GLIS3: variants seen among roughly 807,000 people sequenced by gnomAD.
GLIS3 encodes the protein zinc finger protein GLIS3.
A neutral mutation model predicts 78.6 loss-of-function variants in GLIS3; 53 were observed. The observed-to-expected ratio is 0.67, with a 90% CI of 0.54 to 0.85. GLIS3 has a LOEUF of 0.85. GLIS3 is among the 40% of genes least tolerant of loss of function. The pLI is 0.00. For missense variants in GLIS3, 1,703 were observed against 1,231.1 expected, an observed-to-expected ratio of 1.38 and a Z score of -5.74; for synonymous variants, 684 against 509.9, an observed-to-expected ratio of 1.34 and a Z score of -4.60.
At chr9:3,883,467 C>T (rs905422673) in intron 7 of GLIS3, among the ~76,000 whole-genome samples, 3 of 152,190 alleles carry the variant, frequency 2.0e-5, no homozygotes, top group African/African-American at 7.2e-5. Context: ...GGAAGAAAAT[C>T]TCCACCTTAG....
chr9:4,046,359 G>A (rs534817945), intron 4 of GLIS3, among the ~76,000 whole-genome samples: 2 of 152,242 alleles, frequency 1.3e-5, no homozygotes, highest in Admixed American at 1.3e-4. Context: ...ACCCTGAATG[G>A]TACAGTATGG....
intron 2 of GLIS3, among the ~76,000 whole-genome samples, chr9:4,166,787 C>A (rs988365700): frequency 6.6e-6 from 1 of 152,228 alleles, no homozygotes; most frequent in African/African-American, 2.4e-5. Context: ...CAGCATGAAA[C>A]AGAGGACTCA....
At chr9:4,041,270 C>T (rs534140784) in intron 4 of GLIS3, among the ~76,000 whole-genome samples, 41 of 152,284 alleles carry the variant, frequency 2.7e-4, no homozygotes, top group African/African-American at 9.4e-4. Flanking sequence ...AGTTTGCTAC[C>T]GGCCTCTATT....
At chr9:3,846,419 C>T (rs762063669) in intron 9 of GLIS3, among the ~76,000 whole-genome samples, 14 of 152,108 alleles carry the variant, frequency 9.2e-5, no homozygotes, top group Non-Finnish European at 2.1e-4. Flanking sequence ...CTCAGAGCAC[C>T]AGGTATCTGA....
At chr9:4,283,699 T>C (rs572686165) in intron 2 of GLIS3, among the ~76,000 whole-genome samples, 121 of 152,240 alleles carry the variant, frequency 7.9e-4, no homozygotes, top group Non-Finnish European at 1.6e-3. Flanking sequence ...TAATTATTTG[T>C]AGAGTAAATG....
chr9:4,024,927 T>C (rs1823199667), intron 4 of GLIS3, among the ~76,000 whole-genome samples: 1 of 152,172 alleles, frequency 6.6e-6, no homozygotes, highest in South Asian at 2.1e-4. Context: ...ACTCGATCCC[T>C]AGCACTTAAG....
At chr9:4,245,483 G>T (rs770038388) in intron 2 of GLIS3, among the ~76,000 whole-genome samples, 1 of 152,154 alleles carries the variant, frequency 6.6e-6, no homozygotes, top group Non-Finnish European at 1.5e-5. Flanking sequence ...TGTATGTACA[G>T]GAAACAACGT....
chr9:3,935,477 T>A (rs533543475), intron 5 of GLIS3, among the ~76,000 whole-genome samples: 2 of 152,332 alleles, frequency 1.3e-5, no homozygotes, highest in African/African-American at 4.8e-5. Flanking sequence ...GAAAATGCTC[T>A]TAGCTTGATT....
chr9:4,397,599 C>G, the GLIS3 span, among the ~76,000 whole-genome samples: 3 of 149,868 alleles, frequency 2.0e-5, no homozygotes, highest in Non-Finnish European at 4.4e-5. Flanking sequence ...TCTTCAAGCC[C>G]ATTCCCCCTG....
At chr9:4,116,458 T>C (rs1423170377) in intron 4 of GLIS3, among the ~76,000 whole-genome samples, 1 of 152,188 alleles carries the variant, frequency 6.6e-6, no homozygotes, top group African/African-American at 2.4e-5. Flanking sequence ...TTGAGAAAAA[T>C]CACAATGTGG....
At chr9:3,849,375 T>C (rs1261428822) in intron 9 of GLIS3, among the ~76,000 whole-genome samples, 1 of 152,222 alleles carries the variant, frequency 6.6e-6, no homozygotes, top group Non-Finnish European at 1.5e-5. Flanking sequence ...TGCGCTAAAA[T>C]ATCCATCTTC....
chr9:4,484,911 C>G, the GLIS3 span, among the ~76,000 whole-genome samples: 4 of 151,234 alleles, frequency 2.6e-5, no homozygotes, highest in African/African-American at 9.7e-5. Context: ...AACCAACCAT[C>G]GGTCCAGAGG....
chr9:4,489,789 GAAGTA>G, the GLIS3 span, among the ~76,000 whole-genome samples: 1 of 152,204 alleles, frequency 6.6e-6, no homozygotes, highest in South Asian at 2.1e-4. Flanking sequence ...CCAAGGAGCA[GAAGTA>G]AAGTTCTAAG....
intron 4 of GLIS3, among the ~76,000 whole-genome samples, chr9:3,967,517 G>T (rs1413278810): frequency 6.6e-6 from 1 of 152,016 alleles, no homozygotes; most frequent in Non-Finnish European, 1.5e-5. Context: ...AAAAGAAAAA[G>T]AAAGAAAAGA....
chr9:4,338,383 C>T (rs899410137), intron 2 of GLIS3, among the ~76,000 whole-genome samples: 37 of 125,776 alleles, frequency 2.9e-4, no homozygotes, highest in Non-Finnish European at 5.7e-4. Flanking sequence ...CACACACACA[C>T]ACACATACAC....
Position 4,209,151 on chromosome 9 carries a change from TCTGGAGACCCC to T in GLIS3, c.388+76876_388+76886del, listed in dbSNP as rs1485422496. Among the ~76,000 whole-genome samples, 4 of 152,290 alleles carry T rather than the reference TCTGGAGACCCC, an allele frequency of 2.6e-5. No individual in the cohort carries two copies. The East Asian group carries it at 7.7e-4, about 29-fold the overall frequency. On this transcript the variant is annotated intron_variant, in intron 2 of 10. Transcript: ENST00000381971. Reference sequence around the variant, plus strand: ...ATCAAAATGGACGCTCATGCACCACTCTGGAGACCCCCTGATCTAACCCAACCCCCTCATCT... The same window carrying T: ...ATCAAAATGGACGCTCATGCACCACTCTGATCTAACCCAACCCCCTCATCT...
At chr9:4,393,992 G>T in the GLIS3 span, among the ~76,000 whole-genome samples, 2 of 151,890 alleles carry the variant, frequency 1.3e-5, no homozygotes, top group African/African-American at 4.8e-5. Flanking sequence ...AACAGAAAAT[G>T]GTTTTTCTGA....
intron 6 of GLIS3, among the ~76,000 whole-genome samples, chr9:3,913,534 T>G (rs543081468): frequency 3.3e-5 from 5 of 152,308 alleles, no homozygotes; most frequent in Non-Finnish European, 7.4e-5. Flanking sequence ...TCATGTCTCA[T>G]GCTGTACTTC....
the GLIS3 span, among the ~76,000 whole-genome samples, chr9:4,453,805 A>T: frequency 1.3e-5 from 2 of 152,072 alleles, no homozygotes; most frequent in African/African-American, 4.8e-5. Flanking sequence ...CAATGAGAAC[A>T]CTTGGACACA....
Sources: gnomAD v4.1 joint callset for allele counts (sites outside exome capture counted in the v4.1 genomes callset) on GRCh38, gnomAD v4.1.1 for gene constraint, MANE v1.5 for transcripts, NCBI Gene and HGNC (gene_info 2026-07-23, HGNC 2026-07-21) for gene names.